Variants in ZMYM4 observed in about 807,000 individuals in gnomAD.
ZMYM4 encodes zinc finger MYM-type protein 4.
Under a neutral mutation model 183.2 loss-of-function variants are expected in ZMYM4, and 31 were observed. The observed-to-expected ratio is 0.17, with a 90% CI of 0.13 to 0.23. The LOEUF is 0.23. ZMYM4 is among the 10% of genes least tolerant of loss of function. The probability of loss-of-function intolerance (pLI) is 1.00; values close to 1 mark genes in which losing one functional copy is unlikely to be tolerated. For synonymous variants in ZMYM4, 592 were observed against 631.2 expected (o/e 0.94, Z 0.93); for missense variants, 1,273 against 1,840.3 (o/e 0.69, Z 5.64).
intron 1 of ZMYM4, among the ~76,000 whole-genome samples, chr1:35,315,044 C>T (rs1184847782): frequency 7.1e-6 from 1 of 140,828 alleles, no homozygotes; most frequent in Non-Finnish European, 1.5e-5. Context: ...AAAACAAAAA[C>T]AAAAAAAACA....
At chr1:35,403,262 T>A (rs1449377533) in intron 23 of ZMYM4, among the ~76,000 whole-genome samples, 2 of 152,120 alleles carry the variant, frequency 1.3e-5, no homozygotes, top group Non-Finnish European at 2.9e-5. Context: ...TGGATTTGGT[T>A]TGCTAATATT....
intron 26 of ZMYM4, among the ~76,000 whole-genome samples, chr1:35,409,490 A>G (rs181794422): frequency 8.4e-4 from 128 of 151,626 alleles, no homozygotes; most frequent in African/African-American, 2.9e-3. Context: ...GTATGAAATG[A>G]TATCTCATTG....
chr1:35,419,192 C>G (rs541766869), intron 29 of ZMYM4, among the ~76,000 whole-genome samples: 14 of 152,214 alleles, frequency 9.2e-5, no homozygotes, highest in East Asian at 1.9e-4. Context: ...TAACTTTATA[C>G]TCACTTCCAA....
At chr1:35,391,230 G>A (rs1173819703) in intron 15 of ZMYM4, among the ~76,000 whole-genome samples, 2 of 152,136 alleles carry the variant, frequency 1.3e-5, no homozygotes, top group Non-Finnish European at 2.9e-5. Context: ...CGGCTTGAGG[G>A]ACGTTTTACA....
chr1:35,366,851 T>TA (rs1209256204), intron 5 of ZMYM4, among the ~76,000 whole-genome samples: 3 of 151,786 alleles, frequency 2.0e-5, no homozygotes, highest in Non-Finnish European at 4.4e-5. Flanking sequence ...CTGTCTCTAC[T>TA]AAAAAATACA....
At chr1:35,339,536 C>G (rs1399206777) in intron 2 of ZMYM4, among the ~76,000 whole-genome samples, 3 of 152,002 alleles carry the variant, frequency 2.0e-5, no homozygotes, top group Non-Finnish European at 2.9e-5. Flanking sequence ...ATATTAAGTT[C>G]TATAAGTAAC....
intron 1 of ZMYM4, among the ~76,000 whole-genome samples, chr1:35,271,114 T>C (rs1388364068): frequency 2.6e-5 from 4 of 152,316 alleles, no homozygotes; most frequent in Non-Finnish European, 2.9e-5. Context: ...ATATGGCATA[T>C]AGTCCACCAA....
At chr1:35,297,303 A>G (rs1641067563) in intron 1 of ZMYM4, among the ~76,000 whole-genome samples, 1 of 152,094 alleles carries the variant, frequency 6.6e-6, no homozygotes, top group Non-Finnish European at 1.5e-5. Flanking sequence ...CAGCAATATC[A>G]ACCTGTGGTT....
At chr1:35,377,182 C>T (rs1644354140) in intron 7 of ZMYM4, among the ~76,000 whole-genome samples, 1 of 152,212 alleles carries the variant, frequency 6.6e-6, no homozygotes, top group Admixed American at 6.5e-5. Context: ...GCTGGGATTA[C>T]AGGTGTGAGC....
intron 1 of ZMYM4, among the ~76,000 whole-genome samples, chr1:35,309,791 A>T (rs1445878326): frequency 6.6e-6 from 1 of 152,076 alleles, no homozygotes; most frequent in Non-Finnish European, 1.5e-5. Context: ...CTTAAAAAAA[A>T]ACCCACAAAA....
At chr1:35,291,456 T>C (rs1019129163) in intron 1 of ZMYM4, among the ~76,000 whole-genome samples, 1 of 152,098 alleles carries the variant, frequency 6.6e-6, no homozygotes, top group South Asian at 2.1e-4. Context: ...TTTTCTTTTA[T>C]GGATTATGCT....
intron 6 of ZMYM4, 77 bp downstream of exon 6, chr1:35,370,190 T>C (rs1470029413): frequency 1.3e-6 from 2 of 1,560,504 alleles, no homozygotes; most frequent in Non-Finnish European, 1.7e-6. Flanking sequence ...CTTGTATTAA[T>C]AAACCAGGCA....
intron 5 of ZMYM4, among the ~76,000 whole-genome samples, chr1:35,366,415 AT>A (rs1253154785): frequency 6.6e-6 from 1 of 152,172 alleles, no homozygotes; most frequent in Non-Finnish European, 1.5e-5. Flanking sequence ...CTCTTGTTGG[AT>A]TTTTACTTCA....
chr1:35,288,385 G>GT (rs1640607065), intron 1 of ZMYM4, among the ~76,000 whole-genome samples: 1 of 152,174 alleles, frequency 6.6e-6, no homozygotes, highest in African/African-American at 2.4e-5. Flanking sequence ...ATTGGTCAGA[G>GT]TTTTTTCCTG....
In ZMYM4 at chr1:35,400,497, G is replaced by A. The variant is rs954943777; in HGVS notation, c.3528+921G>A. On this transcript the variant is annotated intron_variant, in intron 23 of 29. Transcript: ENST00000314607. The stretch of plus-strand genomic sequence containing the variant: ...TGGGATTACAGGCGTGAGCCACCGC[G>A]CCCGGCCAGTTCCCTATTTTTATAG... Among the ~76,000 whole-genome samples, 4 of 152,146 alleles carry A rather than the reference G, an allele frequency of 2.6e-5. No individual in the cohort carries two copies. The East Asian group carries it at 5.8e-4, about 22-fold the overall frequency.
intron 1 of ZMYM4, among the ~76,000 whole-genome samples, chr1:35,304,329 GT>G (rs1353058769): frequency 6.6e-6 from 1 of 152,056 alleles, no homozygotes; most frequent in Admixed American, 6.6e-5. Context: ...CGGCCATACA[GT>G]TTCTTTAGAA....
intron 7 of ZMYM4, among the ~76,000 whole-genome samples, chr1:35,380,300 T>G (rs998637670): frequency 6.6e-6 from 1 of 151,458 alleles, no homozygotes; most frequent in African/African-American, 2.4e-5. Flanking sequence ...TGGTTTTTAT[T>G]ATTTATTTAT....
At position 35,397,394 on chromosome 1, in the gene ZMYM4, T is replaced by C; in HGVS notation, c.3048T>C (p.Leu1016=). ...GIPVPMPVPM[L]IPSSMDSEDK... ...TCTTTCAGATGCCTGTCCCTATGCT[T>C]ATTCCATCTTCAATGGATAGTGAAG... The change falls in exon 20 of 30, where the codon CTT becomes CTC. Residue 1016 remains leucine, a synonymous_variant. Transcript: ENST00000314607. 6.2e-7 allele frequency: 1 copy of C among 1,607,342 alleles called. No individual in the cohort carries two copies. Among genetic ancestry groups the C allele is most frequent in the Non-Finnish European group, 8.5e-7 (1 of 1,177,128 alleles).
rs1570565972 is a variant in ZMYM4, at chr1:35,418,583, T to C, written c.4439+11T>C. The C allele has an allele frequency of 6.2e-7, 1 of 1,613,864 alleles. No homozygotes were observed. The highest frequency in any genetic ancestry group is 8.5e-7 in the Non-Finnish European group (1 of 1,179,896). On this transcript the variant is annotated intron_variant, in intron 29 of 29. Transcript: ENST00000314607. ...TTACCTGTCAAAATGGTAATCTTTC[T>C]CTGAACTGAATGTAGTGCACTCAGA...
Sources: gnomAD v4.1 joint callset for allele counts (sites outside exome capture counted in the v4.1 genomes callset) on GRCh38, gnomAD v4.1.1 for gene constraint, MANE v1.5 for transcripts, NCBI Gene and HGNC (gene_info 2026-07-23, HGNC 2026-07-21) for gene names.